The following SMTNL1 variants were observed in gnomAD, a reference collection of about 807,000 sequenced individuals.
SMTNL1 encodes the protein smoothelin-like protein 1.
Under a neutral mutation model 46.6 loss-of-function variants are expected in SMTNL1, and 41 were observed. The ratio of observed to expected loss-of-function variants is 0.88; its 90% CI spans 0.69 to 1.14. SMTNL1 has a LOEUF of 1.14. SMTNL1 is among the 50% of genes most tolerant of loss of function. The probability of loss-of-function intolerance (pLI) is 0.00; values close to 1 mark genes in which losing one functional copy is unlikely to be tolerated. For missense variants in SMTNL1, 591 were observed against 626.1 expected (o/e 0.94, Z 0.60); for synonymous variants, 234 against 234.2 (o/e 1.00, Z 0.01).
In SMTNL1 at chr11:57,544,381, A is replaced by AAAC. The variant is rs527749778; in HGVS notation, c.917+472_917+474dup. On this transcript the variant is annotated intron_variant, in intron 4 of 7. Coordinates refer to ENST00000527972, the MANE Select transcript of SMTNL1 (RefSeq NM_001105565.3). ...GGCGACAGAGCAAGACTCCCTCTCA[A>AAAC]AACAACAACAACAGCAACAACAAAA... Among the ~76,000 whole-genome samples, 493 of 152,310 alleles carry AAAC rather than the reference A, an allele frequency of 3.2e-3. 2 individuals are homozygous for AAAC. The highest frequency in any genetic ancestry group is 0.011 in the African/African-American group (476 of 41,568).
chr11:57,549,256 C>G (rs1944941757), intron 7 of SMTNL1, among the ~76,000 whole-genome samples: 1 of 151,910 alleles, frequency 6.6e-6, no homozygotes, highest in Non-Finnish European at 1.5e-5. Context: ...AAACTCCTGA[C>G]CTCAGGTGAT....
chr11:57,540,449 C>A (rs931603771), intron 1 of SMTNL1, among the ~76,000 whole-genome samples: 2 of 152,078 alleles, frequency 1.3e-5, no homozygotes, highest in South Asian at 2.1e-4. Flanking sequence ...TGTGGAGCAA[C>A]CTTAGCCAGA....
At position 57,543,630 on chromosome 11, in the gene SMTNL1, G is replaced by T; in HGVS notation, c.739G>T (p.Gly247Cys). ...EAEDAEEAEP[G>C]SPSEEQEQDV... The stretch of plus-strand genomic sequence containing the variant: ...CAGATCATGCTCATTCCAGGAGCCA[G>T]GCAGTCCCAGCGAAGAGCAGGAGCA... The change falls in exon 3 of 8, where the codon GGC becomes TGC. Residue 247 changes from glycine (G) to cysteine (C), a missense_variant. Transcript: ENST00000527972. 4 of 1,607,812 alleles carry T rather than the reference G, an allele frequency of 2.5e-6. No homozygotes were observed. The highest frequency in any genetic ancestry group is 3.4e-6 in the Non-Finnish European group (4 of 1,177,540).
At chr11:57,545,380 A>G (rs1944913540) in intron 4 of SMTNL1, among the ~76,000 whole-genome samples, 1 of 151,716 alleles carries the variant, frequency 6.6e-6, no homozygotes, top group Admixed American at 6.6e-5. Flanking sequence ...TGAGGCGGGT[A>G]GATCACTTGA....
intron 4 of SMTNL1, 22 bp downstream of exon 4, chr11:57,543,942 C>T (rs780982518): frequency 3.2e-6 from 5 of 1,569,140 alleles, no homozygotes; most frequent in Non-Finnish European, 4.3e-6. Context: ...CTCTGGGGCT[C>T]CAGCTCCAAT....
intron 1 of SMTNL1, among the ~76,000 whole-genome samples, chr11:57,542,138 AC>A (rs1473144918): frequency 2.1e-5 from 3 of 140,848 alleles, no homozygotes; most frequent in East Asian, 2.0e-4. Flanking sequence ...ACACACACAC[AC>A]ACACAAAAAT....
At chr11:57,539,986 A>G (rs1271049741) in intron 1 of SMTNL1, among the ~76,000 whole-genome samples, 1 of 152,134 alleles carries the variant, frequency 6.6e-6, no homozygotes, top group African/African-American at 2.4e-5. Context: ...TCCAAACAAG[A>G]GCAGAGAGAA....
In SMTNL1 at chr11:57,537,607, G is replaced by C. The variant is rs1375653052; in HGVS notation, c.-38G>C. ...AGTGAGGCCACTCAGCTGGAGCAAA[G>C]AGACAGCTCCCAAGCCACAGGCAGA... is the stretch of plus-strand genomic sequence containing the variant. On this transcript the variant is annotated 5_prime_UTR_variant, in exon 1 of 8. Transcript: ENST00000527972. Among the ~76,000 whole-genome samples the C allele has an allele frequency of 6.6e-6, 1 of 152,202 alleles. No homozygotes were observed. Among genetic ancestry groups the C allele is most frequent in the Non-Finnish European group, 1.5e-5 (1 of 68,038 alleles).
intron 7 of SMTNL1, among the ~76,000 whole-genome samples, chr11:57,548,016 C>T (rs946070350): frequency 1.3e-5 from 2 of 152,148 alleles, no homozygotes; most frequent in African/African-American, 2.4e-5. Flanking sequence ...TCACTTTGGC[C>T]TTGGGCAAAC....
intron 2 of SMTNL1, 43 bp from the exon 3 acceptor site, chr11:57,543,581 G>A (rs779751656): frequency 6.3e-7 from 1 of 1,592,094 alleles, no homozygotes; most frequent in Non-Finnish European, 8.5e-7. Context: ...GCCAGGGCAG[G>A]TGCTGTGTGA....
chr11:57,543,901 C>T lies in SMTNL1; in HGVS notation c.898C>T (p.Gln300Ter). Reference protein sequence around the residue: ...GLGPDCVASGQTSPSASESSP... With the variant: ...GLGPDCVASG ...GGGTCCAGACTGTGTAGCTTCCGGA[C>T]AGACCAGTCCTTCAGCCAGGTAATG... The change falls in exon 4 of 8, where the codon CAG becomes TAG. Residue 300 changes from glutamine (Q) to a stop codon, truncating the protein, a stop_gained. Transcript: ENST00000527972. LOFTEE classifies it high-confidence loss of function. 1 of 1,588,916 alleles carries T rather than the reference C, an allele frequency of 6.3e-7. No homozygotes were observed. The highest frequency in any genetic ancestry group is 8.6e-7 in the Non-Finnish European group (1 of 1,167,462).
At chr11:57,542,079 G>A (rs1018336785) in intron 1 of SMTNL1, among the ~76,000 whole-genome samples, 1 of 147,334 alleles carries the variant, frequency 6.8e-6, no homozygotes, top group African/African-American at 2.6e-5. Context: ...ACCAGCCTGG[G>A]CAACATGGCA....
In SMTNL1 at chr11:57,541,578, C is replaced by G. The variant is rs780743670; in HGVS notation, c.-2-1063C>G. ...GGAGAGTACGGCTCCATTCTTCACTCAAGGAAACGCTTCCTTGCCCAGGCC... is the reference window on the plus strand; with the variant it reads ...GGAGAGTACGGCTCCATTCTTCACTGAAGGAAACGCTTCCTTGCCCAGGCC... On this transcript the variant is annotated intron_variant, in intron 1 of 7. Coordinates refer to ENST00000527972, the MANE Select transcript of SMTNL1 (RefSeq NM_001105565.3). 2.9e-6 allele frequency: 4 copies of G among 1,366,186 alleles called. No individual in the cohort carries two copies. In the South Asian group the frequency reaches 4.6e-5, roughly 16 times the overall value. The allele number at this position is 1,366,186 out of a possible 1,614,324, so 84.6% of individuals were successfully genotyped here.
In SMTNL1 at chr11:57,546,630, A is replaced by T. The variant is rs1239537540; in HGVS notation, c.1318A>T (p.Thr440Ser). ...LDPAKRRHNF[T>S]LAFSTAEKLA... is the part of the protein sequence containing the mutation. ...TCCCGCAAAGCGCCGGCACAACTTC[A>T]CCCTGGCCTTCTCCACAGCAGAGTA... The change falls in exon 7 of 8, where the codon ACC becomes TCC. Residue 440 changes from threonine (T) to serine (S), a missense_variant. Physicochemically the swap from Thr to Ser is moderately conservative, Grantham distance 58. Transcript: ENST00000527972. 4.3e-6 allele frequency: 7 copies of T among 1,613,592 alleles called. No individual in the cohort carries two copies. Among genetic ancestry groups the T allele is most frequent in the Non-Finnish European group, 5.9e-6 (7 of 1,179,782 alleles).
intron 1 of SMTNL1, among the ~76,000 whole-genome samples, chr11:57,540,376 G>A (rs1477279038): frequency 1.3e-5 from 2 of 152,090 alleles, no homozygotes; most frequent in East Asian, 3.9e-4. Context: ...TAAGATTATA[G>A]GCATGAGCCA....
rs1266798063 is a variant in SMTNL1, at chr11:57,546,275, A to G, written c.1116A>G (p.Ala372=). The G allele has an allele frequency of 6.2e-7, 1 of 1,610,440 alleles. No homozygotes were observed. The highest frequency in any genetic ancestry group is 2.2e-5 in the East Asian group (1 of 44,742). ...GPTALFRNTK[A]AGAAIGGVKN... ...CGGCCTTGTTCCGCAACACTAAGGCAGCCGGGGCAGCCATTGGTGGTGTCA... is the reference window on the plus strand; with the variant it reads ...CGGCCTTGTTCCGCAACACTAAGGCGGCCGGGGCAGCCATTGGTGGTGTCA... The change falls in exon 6 of 8, where the codon GCA becomes GCG. Residue 372 remains alanine (A), a synonymous_variant. Coordinates refer to ENST00000527972, the MANE Select transcript of SMTNL1 (RefSeq NM_001105565.3).
In SMTNL1 at chr11:57,550,038, T is replaced by C; in HGVS notation, c.1411T>C (p.Cys471Arg). Residue 471 changes from cysteine to arginine, a missense_variant, in exon 8 of 8, where the codon TGC becomes CGC. Physicochemically the swap from Cys to Arg is radical, Grantham distance 180. Transcript: ENST00000527972. ...GCGGTTGGCTGTGCCCGACTCCAAGTGCGTCTACACATACATCCAGGAACT... is the reference window on the plus strand; with the variant it reads ...GCGGTTGGCTGTGCCCGACTCCAAGCGCGTCTACACATACATCCAGGAACT... ...MVRLAVPDSK[C>R]VYTYIQELYR... 1 of 1,613,902 alleles carries C rather than the reference T, an allele frequency of 6.2e-7. No homozygotes were observed. The highest frequency in any genetic ancestry group is 1.1e-5 in the South Asian group (1 of 91,074).
chr11:57,539,185 T>TA lies in SMTNL1; in HGVS notation c.-3+1551dup, dbSNP rs1349199751. ...GAAACATAGCGAGACCCCATCTCTA[T>TA]AAAAAAAATAAAAAACAAAAAATTA... On this transcript the variant is annotated intron_variant, in intron 1 of 7. Transcript: ENST00000527972. 1.7e-3 allele frequency among the ~76,000 whole-genome samples: 262 copies of TA among 151,468 alleles called. 1 individual carries two copies. Among genetic ancestry groups the TA allele is most frequent in the African/African-American group, 6.1e-3 (251 of 41,210 alleles).
chr11:57,543,609 T>A lies in SMTNL1; in HGVS notation c.733-15T>A. 6.2e-7 allele frequency: 1 copy of A among 1,605,164 alleles called. No individual in the cohort carries two copies. On this transcript the variant is annotated splice_polypyrimidine_tract_variant and intron_variant, in intron 2 of 7. Transcript: ENST00000527972. Reference sequence around the variant, plus strand: ...CTGTGTGACCATGAGCTCACGCAGATCATGCTCATTCCAGGAGCCAGGCAG... The same window carrying A: ...CTGTGTGACCATGAGCTCACGCAGAACATGCTCATTCCAGGAGCCAGGCAG...
Sources: allele counts gnomAD v4.1 joint callset (sites outside exome capture counted in the v4.1 genomes callset), GRCh38; gene constraint gnomAD v4.1.1; transcripts MANE v1.5; gene names NCBI Gene and HGNC (gene_info 2026-07-23, HGNC 2026-07-21).